PCCA: variants seen among roughly 807,000 people sequenced by gnomAD.
PCCA encodes the protein propionyl-CoA carboxylase subunit alpha.
A neutral mutation model predicts 101.3 loss-of-function variants in PCCA; 74 were observed. The observed-to-expected ratio is 0.73, with a 90% CI of 0.61 to 0.89. PCCA has a LOEUF of 0.89. Among genes scored for constraint, PCCA ranks in the 40% least tolerant of loss-of-function variants. PCCA has a pLI of 0.00. For synonymous variants in PCCA, 294 were observed against 313.6 expected (o/e 0.94, Z 0.66); for missense variants, 891 against 907.0 (o/e 0.98, Z 0.23).
At chr13:100,407,304 C>T (rs1483972502) in intron 19 of PCCA, among the ~76,000 whole-genome samples, 1 of 152,150 alleles carries the variant, frequency 6.6e-6, no homozygotes, top group Non-Finnish European at 1.5e-5. Flanking sequence ...TCCAGGGGCC[C>T]TCTGGACTAT....
chr13:100,224,869 C>G (rs1268848894), intron 7 of PCCA, among the ~76,000 whole-genome samples: 1 of 152,222 alleles, frequency 6.6e-6, no homozygotes, highest in South Asian at 2.1e-4. Context: ...AGTGAGAACT[C>G]TGGAAAACTG....
chr13:100,271,469 T>C (rs908789387), intron 11 of PCCA, among the ~76,000 whole-genome samples: 2 of 151,714 alleles, frequency 1.3e-5, no homozygotes, highest in Admixed American at 1.3e-4. Context: ...AAATGTAATA[T>C]GAATGTTAAA....
chr13:100,431,346 C>T (rs768447841), intron 20 of PCCA, among the ~76,000 whole-genome samples: 28 of 151,858 alleles, frequency 1.8e-4, no homozygotes, highest in Non-Finnish European at 2.8e-4. Flanking sequence ...TCCTTTTTGT[C>T]GTATGTGTTG....
chr13:100,301,382 C>A, intron 12 of PCCA, 78 bp from the exon 13 acceptor site: 1 of 1,534,726 alleles, frequency 6.5e-7, no homozygotes, highest in Non-Finnish European at 9.0e-7. Flanking sequence ...TACCCAAAAA[C>A]TTTTGTGATT....
chr13:100,132,827 G>A (rs553578084), intron 4 of PCCA, among the ~76,000 whole-genome samples: 26 of 152,148 alleles, frequency 1.7e-4, no homozygotes, highest in Admixed American at 1.7e-3. Flanking sequence ...GGGCTAGAGT[G>A]TAGTGGCACC....
intron 21 of PCCA, among the ~76,000 whole-genome samples, chr13:100,511,829 A>G (rs2086504875): frequency 6.6e-6 from 1 of 152,334 alleles, no homozygotes; most frequent in South Asian, 2.1e-4. Context: ...CATTACTGCT[A>G]CTTCTACAGG....
intron 4 of PCCA, among the ~76,000 whole-genome samples, chr13:100,116,963 G>A (rs1020907612): frequency 2.0e-5 from 3 of 152,144 alleles, no homozygotes; most frequent in Non-Finnish European, 4.4e-5. Flanking sequence ...TGGGTAGACA[G>A]TATTTTGCTG....
chr13:100,510,036 A>T (rs2086363232), intron 21 of PCCA, among the ~76,000 whole-genome samples: 1 of 152,218 alleles, frequency 6.6e-6, no homozygotes, highest in Non-Finnish European at 1.5e-5. Flanking sequence ...TTATAAATGT[A>T]TATTAAGATG....
chr13:100,390,227 C>T (rs2076734912), intron 19 of PCCA, among the ~76,000 whole-genome samples: 1 of 152,194 alleles, frequency 6.6e-6, no homozygotes, highest in Admixed American at 6.5e-5. Flanking sequence ...GTACAATCTA[C>T]TTTCATTTCT....
At chr13:100,514,232 T>C (rs971503862) in intron 21 of PCCA, among the ~76,000 whole-genome samples, 1 of 152,220 alleles carries the variant, frequency 6.6e-6, no homozygotes, top group African/African-American at 2.4e-5. Context: ...AAAGATGTTA[T>C]TATTCAACCT....
chr13:100,313,582 C>T (rs1322974492), intron 16 of PCCA, among the ~76,000 whole-genome samples: 1 of 152,172 alleles, frequency 6.6e-6, no homozygotes, highest in African/African-American at 2.4e-5. Flanking sequence ...GGTCTGGCTG[C>T]ATGACTCCTG....
intron 8 of PCCA, among the ~76,000 whole-genome samples, chr13:100,256,268 G>C (rs925744487): frequency 1.3e-5 from 2 of 152,108 alleles, no homozygotes; most frequent in Admixed American, 1.3e-4. Flanking sequence ...GCCTCCCAAA[G>C]TGCTGGGATT....
At chr13:100,142,954 G>A (rs2390399) in intron 4 of PCCA, among the ~76,000 whole-genome samples, 106,400 of 152,068 alleles carry the variant, frequency 0.7, 38,239 homozygotes, top group African/African-American at 0.87. Context: ...ACTAGTAGGT[G>A]ATTTGATCTC....
chr13:100,458,270 T>C (rs2081893056), intron 21 of PCCA, among the ~76,000 whole-genome samples: 1 of 130,554 alleles, frequency 7.7e-6, no homozygotes, highest in South Asian at 3.2e-4. Context: ...AAGACCAGCC[T>C]GGGCAACAGT....
At chr13:100,516,226 G>A (rs978712016) in intron 22 of PCCA, among the ~76,000 whole-genome samples, 5 of 152,148 alleles carry the variant, frequency 3.3e-5, no homozygotes, top group Non-Finnish European at 7.3e-5. Flanking sequence ...AACAATTTAG[G>A]AGGCAACCAG....
At chr13:100,107,029 C>A (rs964157410) in intron 2 of PCCA, among the ~76,000 whole-genome samples, 1 of 152,152 alleles carries the variant, frequency 6.6e-6, no homozygotes, top group African/African-American at 2.4e-5. Flanking sequence ...TCCTTGTAAC[C>A]ATTCATTAAA....
chr13:100,497,174 A>G (rs2085335605), intron 21 of PCCA, among the ~76,000 whole-genome samples: 1 of 152,260 alleles, frequency 6.6e-6, no homozygotes, highest in Admixed American at 6.5e-5. Flanking sequence ...AAGAAGTTTC[A>G]TCACAGGATG....
At chr13:100,386,184 A>C (rs1224065906) in intron 19 of PCCA, among the ~76,000 whole-genome samples, 1 of 152,206 alleles carries the variant, frequency 6.6e-6, no homozygotes, top group Non-Finnish European at 1.5e-5. Flanking sequence ...AAAACATCAC[A>C]GGACTATTTT....
intron 1 of PCCA, among the ~76,000 whole-genome samples, chr13:100,102,012 A>C (rs758267803): frequency 3.8e-4 from 58 of 152,166 alleles, no homozygotes; most frequent in Non-Finnish European, 7.4e-4. Flanking sequence ...AAGAGGTGGT[A>C]CCTGTTGGTT....
Sources: allele counts gnomAD v4.1 joint callset (sites outside exome capture counted in the v4.1 genomes callset), GRCh38; gene constraint gnomAD v4.1.1; transcripts MANE v1.5; gene names NCBI Gene and HGNC (gene_info 2026-07-23, HGNC 2026-07-21).